Variants in SLX9 observed in about 807,000 individuals in gnomAD.
SLX9 encodes SLX9 ribosome biogenesis factor, also known as ribosome biogenesis protein SLX9 homolog.
SLX9 carries 19 observed loss-of-function variants against 20.8 expected under a neutral mutation model. The observed-to-expected ratio is 0.91, with a 90% CI of 0.64 to 1.34. The LOEUF is 1.34. SLX9 is among the 40% of genes most tolerant of loss of function. The pLI is 0.00. For synonymous variants in SLX9, 113 were observed against 137.1 expected (o/e 0.82, Z 1.23); for missense variants, 299 against 322.2 (o/e 0.93, Z 0.55).
chr21:44,952,437 C>T (rs1188222719), intron 2 of SLX9, among the ~76,000 whole-genome samples: 2 of 152,250 alleles, frequency 1.3e-5, no homozygotes, highest in Non-Finnish European at 2.9e-5. Flanking sequence ...GTGGCCTGAT[C>T]ACCTTGGGCC....
rs1249114726 is a variant in SLX9, at chr21:44,972,090, T to C, written c.501-1107T>C. On this transcript the variant is annotated intron_variant, in intron 4 of 5. Transcript: ENST00000291634. ...TGTCATTCATATTTTAAGAGATCCA[T>C]GAATAAAAGATGAAGTCTCCTGGCC... Among the ~76,000 whole-genome samples the C allele has an allele frequency of 2.6e-5, 4 of 152,254 alleles. No homozygotes were observed. The East Asian group carries it at 7.7e-4, about 29-fold the overall frequency.
chr21:44,972,293 C>T (rs994913072), intron 4 of SLX9, among the ~76,000 whole-genome samples: 6 of 152,144 alleles, frequency 3.9e-5, no homozygotes, highest in Non-Finnish European at 7.3e-5. Flanking sequence ...GCCAGGTGGG[C>T]GGCTGCCTTG....
At chr21:44,959,764 T>C (rs2084921427) in intron 2 of SLX9, among the ~76,000 whole-genome samples, 2 of 152,222 alleles carry the variant, frequency 1.3e-5, no homozygotes, top group Admixed American at 6.5e-5. Context: ...CATTCCTGCA[T>C]GGCTTCACTG....
intron 3 of SLX9, among the ~76,000 whole-genome samples, chr21:44,962,342 C>T (rs2084961008): frequency 6.6e-6 from 1 of 152,200 alleles, no homozygotes; most frequent in Admixed American, 6.5e-5. Flanking sequence ...CCACTGGCCC[C>T]AGAGGTAACA....
rs948833595 is a variant in SLX9 at position 44,967,741 on chromosome 21, G to A, written c.500+560G>A. ...AGGCCTGCTGTCGGGTGTGGTGAGC[G>A]TGTGGGACCCACTCATGCAGGGCCC... On this transcript the variant is annotated intron_variant, in intron 4 of 5. Coordinates refer to ENST00000291634, the MANE Select transcript of SLX9 (RefSeq NM_058190.4). Among the ~76,000 whole-genome samples the A allele has an allele frequency of 2.8e-4, 42 of 152,294 alleles. 1 individual carries two copies. Among genetic ancestry groups the A allele is most frequent in the Middle Eastern group, 6.8e-3 (2 of 294 alleles).
Position 44,967,118 on chromosome 21 carries a change from C to T in SLX9, c.437C>T (p.Pro146Leu), listed in dbSNP as rs747319505. ...RATVVVGDLH[P>L]LRDALPELLG... ...ACGGTGGTGGTGGGGGACCTGCACC[C>T]TCTCAGGGATGCCCTGCCCGAGCTG... is the stretch of plus-strand genomic sequence containing the variant. Residue 146 changes from proline (P) to leucine (L), a missense_variant, in exon 4 of 6, where the codon CCT (proline) becomes CTT (leucine). Pro to Leu is a moderately conservative substitution (Grantham distance 98). Coordinates refer to ENST00000291634, the MANE Select transcript of SLX9 (RefSeq NM_058190.4). 1.2e-6 allele frequency: 2 copies of T among 1,609,952 alleles called. No homozygotes were observed. The highest frequency in any genetic ancestry group is 2.2e-5 in the East Asian group (1 of 44,846).
At chr21:44,970,127 A>C (rs2085116381) in intron 4 of SLX9, among the ~76,000 whole-genome samples, 1 of 151,970 alleles carries the variant, frequency 6.6e-6, no homozygotes, top group African/African-American at 2.4e-5. Flanking sequence ...CCGCTTTGGG[A>C]GGAAGTCGCT....
chr21:44,976,274 C>T (rs2085260259), intron 5 of SLX9, among the ~76,000 whole-genome samples: 1 of 148,318 alleles, frequency 6.7e-6, no homozygotes, highest in Non-Finnish European at 1.5e-5. Context: ...TCTGCCGGCT[C>T]AGGCTCTCGG....
chr21:44,949,779 G>C (rs2084719996), intron 2 of SLX9, among the ~76,000 whole-genome samples: 1 of 152,160 alleles, frequency 6.6e-6, no homozygotes, highest in South Asian at 2.1e-4. Flanking sequence ...CCCAGCCCTT[G>C]GGCAGGGCTG....
chr21:44,954,855 C>A (rs1471547001), intron 2 of SLX9, among the ~76,000 whole-genome samples: 1 of 152,130 alleles, frequency 6.6e-6, no homozygotes, highest in Admixed American at 6.5e-5. Flanking sequence ...CAATTTGTTA[C>A]CAATTTTTAA....
chr21:44,965,665 C>A (rs909846295), intron 3 of SLX9, among the ~76,000 whole-genome samples: 2 of 152,214 alleles, frequency 1.3e-5, no homozygotes, highest in East Asian at 1.9e-4. Flanking sequence ...CCCGGGAGAA[C>A]CATCCTTGCA....
chr21:44,976,665 T>C lies in SLX9; in HGVS notation c.570-15T>C. On this transcript the variant is annotated splice_polypyrimidine_tract_variant and intron_variant, in intron 5 of 5. Coordinates refer to ENST00000291634, the MANE Select transcript of SLX9 (RefSeq NM_058190.4). Reference sequence around the variant, plus strand: ...GGGGTTCCTGCCTGCTGATCTGTGGTCTCCATTCTTTCAGCGAGGAAGAAA... The same window carrying C: ...GGGGTTCCTGCCTGCTGATCTGTGGCCTCCATTCTTTCAGCGAGGAAGAAA... 6.3e-7 allele frequency: 1 copy of C among 1,578,060 alleles called. No individual in the cohort carries two copies. The highest frequency in any genetic ancestry group is 8.6e-7 in the Non-Finnish European group (1 of 1,161,834).
chr21:44,969,198 C>T (rs763289011), intron 4 of SLX9: 1 of 470,186 alleles, frequency 2.1e-6, no homozygotes, highest in South Asian at 1.5e-5. Flanking sequence ...TCACGCGCTG[C>T]AGGCCCAGGC....
chr21:44,971,867 G>T (rs1398076483), intron 4 of SLX9, among the ~76,000 whole-genome samples: 1 of 152,206 alleles, frequency 6.6e-6, no homozygotes, highest in Non-Finnish European at 1.5e-5. Flanking sequence ...GTGGGGAGAT[G>T]TCGTCAGCCC....
chr21:44,970,700 A>AC (rs748493085), intron 4 of SLX9, among the ~76,000 whole-genome samples: 53 of 152,280 alleles, frequency 3.5e-4, no homozygotes, highest in Middle Eastern at 6.8e-3. Context: ...GCAGGCGAGC[A>AC]CCAGTGGCCT....
At chr21:44,956,333 T>C (rs1292228599) in intron 2 of SLX9, among the ~76,000 whole-genome samples, 1 of 152,232 alleles carries the variant, frequency 6.6e-6, no homozygotes, top group Non-Finnish European at 1.5e-5. Context: ...AGTGCCTTTT[T>C]AATGTATTTA....
chr21:44,973,028 T>TCAGGCAGTTGCACTGCTTGTCCGGGG, intron 4 of SLX9, 169 bp from the exon 5 acceptor site: 1 of 155,134 alleles, frequency 6.4e-6, no homozygotes, highest in Non-Finnish European at 9.8e-6. Context: ...CTTGTCCAGG[T>TCAGGCAGTTGCACTGCTTGTCCGGGG]CTCGCCTCCA....
At chr21:44,970,952 G>A (rs1470030712) in intron 4 of SLX9, among the ~76,000 whole-genome samples, 1 of 152,228 alleles carries the variant, frequency 6.6e-6, no homozygotes, top group Admixed American at 6.5e-5. Context: ...TGCCCCTGGG[G>A]TGCAGGATGC....
At chr21:44,956,302 C>G (rs1321796453) in intron 2 of SLX9, among the ~76,000 whole-genome samples, 1 of 151,916 alleles carries the variant, frequency 6.6e-6, no homozygotes, top group Non-Finnish European at 1.5e-5. Context: ...CCCTTTGTGT[C>G]CTCTGCAGTG....
Sources: gnomAD v4.1 joint callset for allele counts (sites outside exome capture counted in the v4.1 genomes callset) on GRCh38, gnomAD v4.1.1 for gene constraint, MANE v1.5 for transcripts, NCBI Gene and HGNC (gene_info 2026-07-23, HGNC 2026-07-21) for gene names.